BORCS7: variants seen among roughly 807,000 people sequenced by gnomAD.
BORCS7 encodes BLOC-1 related complex subunit 7.
Under a neutral mutation model 17.5 loss-of-function variants are expected in BORCS7, and 20 were observed. The observed-to-expected ratio is 1.14, with a 90% CI of 0.80 to 1.66. The LOEUF (loss-of-function observed/expected upper bound fraction) is 1.66. Ranked by LOEUF, BORCS7 falls within the 40% of genes most tolerant of loss-of-function variation. The pLI, the probability that BORCS7 is intolerant of heterozygous loss-of-function variation, is 0.00. For missense variants in BORCS7, 122 were observed against 129.7 expected, an observed-to-expected ratio of 0.94 and a Z score of 0.29; for synonymous variants, 57 against 49.8, an observed-to-expected ratio of 1.14 and a Z score of -0.61.
At chr10:102,854,508 C>T in intron 1 of BORCS7, 81 bp downstream of exon 1, 1 of 1,457,002 alleles carries the variant, frequency 6.9e-7, no homozygotes, top group Non-Finnish European at 9.2e-7. Flanking sequence ...GGTCGCGTTG[C>T]ATCTTGGGAA....
intron 3 of BORCS7, 66 bp downstream of exon 3, chr10:102,860,607 T>C: frequency 6.4e-7 from 1 of 1,556,220 alleles, no homozygotes; most frequent in Non-Finnish European, 8.9e-7. Flanking sequence ...TTTCATGGAC[T>C]TTGTGCTTCA....
intron 1 of BORCS7, among the ~76,000 whole-genome samples, chr10:102,858,176 A>ATAT (rs113426909): frequency 4.9e-5 from 6 of 121,782 alleles, no homozygotes; most frequent in South Asian, 5.2e-4. Flanking sequence ...AAAAAAAAAA[A>ATAT]ATATATATAT....
chr10:102,858,000 A>C (rs1455124123), intron 1 of BORCS7, among the ~76,000 whole-genome samples: 3 of 151,628 alleles, frequency 2.0e-5, no homozygotes, highest in Non-Finnish European at 4.4e-5. Flanking sequence ...CCATCTCTAC[A>C]AAAAAATACA....
intron 3 of BORCS7, 109 bp downstream of exon 3, chr10:102,860,650 AGGT>A (rs1844502547): frequency 8.3e-7 from 1 of 1,210,702 alleles, no homozygotes; most frequent in Non-Finnish European, 1.2e-6. Context: ...GTGGGAGTAA[AGGT>A]GGGGGTGGCC....
chr10:102,861,730 A>AAC (rs1564787326), intron 3 of BORCS7, among the ~76,000 whole-genome samples: 355 of 152,238 alleles, frequency 2.3e-3, no homozygotes, highest in African/African-American at 7.5e-3. Flanking sequence ...AAAAAAAACA[A>AAC]AAAAACAAAA....
intron 4 of BORCS7, 81 bp downstream of exon 4, chr10:102,862,261 T>C: frequency 1.5e-6 from 2 of 1,376,580 alleles, no homozygotes; most frequent in East Asian, 2.3e-5. Flanking sequence ...CCAGAATCAA[T>C]ACAAAACCCT....
chr10:102,854,434 T>C lies in BORCS7; in HGVS notation c.141+7T>C, dbSNP rs371914756. ...AGGCTCCCGGAGCTCCGAGGTGAGC[T>C]GGAAGTGGACTCTCCCGGCCTGATA... On this transcript the variant is annotated splice_region_variant and intron_variant, in intron 1 of 4. Coordinates refer to ENST00000339834, the MANE Select transcript of BORCS7 (RefSeq NM_001136200.2). The C allele has an allele frequency of 9.1e-6, 14 of 1,533,560 alleles. No homozygotes were observed. The African/African-American group carries it at 1.6e-4, about 18-fold the overall frequency. The allele number at this position is 1,533,560 out of a possible 1,614,324, so 95.0% of individuals were successfully genotyped here. A position where few individuals can be genotyped will look rare whatever the true frequency, so the allele number is the denominator to read the frequency against.
intron 1 of BORCS7, among the ~76,000 whole-genome samples, chr10:102,859,417 G>A (rs1844480557): frequency 6.6e-6 from 1 of 151,810 alleles, no homozygotes; most frequent in Non-Finnish European, 1.5e-5. Context: ...GGGATTACAG[G>A]TGTGAGCCAC....
chr10:102,855,283 T>C (rs1029902783), intron 1 of BORCS7, among the ~76,000 whole-genome samples: 3 of 151,322 alleles, frequency 2.0e-5, no homozygotes, highest in Non-Finnish European at 4.4e-5. Context: ...CTCAGCCTCC[T>C]GAGTAGCTGG....
At position 102,862,884 on chromosome 10, in the gene BORCS7, C is replaced by G; in HGVS notation, c.281C>G (p.Ser94Ter). The stretch of plus-strand genomic sequence containing the variant: ...ATTCTAATTCCTAGTGTTGAACAGT[C>G]ATCGGATCTACAGGACCAGTTGAAT... Reference protein sequence around the residue: ...QEAIQKNVEQSSDLQDQLNHL... With the variant: ...QEAIQKNVEQ The change falls in exon 5 of 5, where the codon TCA becomes TGA. Residue 94 changes from serine to a stop codon, truncating the protein, a stop_gained. Transcript: ENST00000339834. LOFTEE classifies it high-confidence loss of function. 3 of 1,608,654 alleles carry G rather than the reference C, an allele frequency of 1.9e-6. No individual in the cohort carries two copies. In the South Asian group the frequency reaches 3.3e-5, roughly 18 times the overall value.
rs1406021358 is a variant in BORCS7 at position 102,862,028 on chromosome 10, TTAGGA to T, written c.249-125_249-121del. The T allele has an allele frequency of 5.7e-5, 49 of 861,474 alleles. No homozygotes were observed. In the East Asian group the frequency reaches 1.2e-3, roughly 21 times the overall value. The allele number at this position is 861,474 out of a possible 1,614,324, so 53.4% of individuals were successfully genotyped here. ...GGAATCCCTGTTCAATAGCACAATCTTAGGATAGGATGGACAGAAATACAGGATGT... is the reference window on the plus strand; with the variant it reads ...GGAATCCCTGTTCAATAGCACAATCTTAGGATGGACAGAAATACAGGATGT... On this transcript the variant is annotated intron_variant, in intron 3 of 4. Transcript: ENST00000339834.
chr10:102,861,854 G>A (rs923069869), intron 3 of BORCS7, among the ~76,000 whole-genome samples: 3 of 152,140 alleles, frequency 2.0e-5, no homozygotes, highest in Admixed American at 6.5e-5. Context: ...TACATATTAG[G>A]TATTAGGTAT....
Position 102,862,195 on chromosome 10 carries a change from AG to A in BORCS7, c.269+17del. ...ATTCAGAAGAAGTAAGTAACCCCAA[AG>A]GTAGAGGAGTAGGGAACCAACTGAA... On this transcript the variant is annotated intron_variant, in intron 4 of 4. Transcript: ENST00000339834. 1 of 1,607,000 alleles carries A rather than the reference AG, an allele frequency of 6.2e-7. No individual in the cohort carries two copies. Among genetic ancestry groups the A allele is most frequent in the Non-Finnish European group, 8.5e-7 (1 of 1,173,574 alleles).
chr10:102,854,515 G>A, intron 1 of BORCS7, 88 bp downstream of exon 1: 1 of 1,440,016 alleles, frequency 6.9e-7, no homozygotes, highest in South Asian at 1.3e-5. Flanking sequence ...TTGCATCTTG[G>A]GAATTGTAGG....
At chr10:102,859,012 T>C (rs1844472181) in intron 1 of BORCS7, among the ~76,000 whole-genome samples, 2 of 152,118 alleles carry the variant, frequency 1.3e-5, no homozygotes, top group South Asian at 4.1e-4. Context: ...CTCTCAGTGC[T>C]AATGTGGTCA....
rs764630027 is a variant in BORCS7 at position 102,862,944 on chromosome 10, G to A, written c.*20G>A. 6.3e-7 allele frequency: 1 copy of A among 1,591,892 alleles called. No individual in the cohort carries two copies. Among genetic ancestry groups the A allele is most frequent in the East Asian group, 2.2e-5 (1 of 44,782 alleles). ...AAATAGAATGACATGTAAGAGTGCT[G>A]TAGGACTCCTTTGCCTAATGCTGAG... is the stretch of plus-strand genomic sequence containing the variant. On this transcript the variant is annotated 3_prime_UTR_variant, in exon 5 of 5. Coordinates refer to ENST00000339834, the MANE Select transcript of BORCS7 (RefSeq NM_001136200.2).
chr10:102,856,612 A>G, intron 1 of BORCS7, among the ~76,000 whole-genome samples: 1 of 152,248 alleles, frequency 6.6e-6, no homozygotes, highest in East Asian at 1.9e-4. Flanking sequence ...GAACAAGTTA[A>G]TGGTAAAAGC....
intron 3 of BORCS7, 63 bp downstream of exon 3, chr10:102,860,604 G>A: frequency 6.4e-7 from 1 of 1,561,816 alleles, no homozygotes; most frequent in Non-Finnish European, 8.8e-7. Context: ...TGCTTTCATG[G>A]ACTTTGTGCT....
chr10:102,862,210 G>A lies in BORCS7; in HGVS notation c.269+30G>A, dbSNP rs200985701. On this transcript the variant is annotated intron_variant, in intron 4 of 4. Coordinates refer to ENST00000339834, the MANE Select transcript of BORCS7 (RefSeq NM_001136200.2). ...GTAACCCCAAAGGTAGAGGAGTAGG[G>A]AACCAACTGAAGCAGGCTGGGGGGA... 1.0e-5 allele frequency: 16 copies of A among 1,596,250 alleles called. No homozygotes were observed. In the African/African-American group the frequency reaches 2.0e-4, roughly 20 times the overall value.
Sources: allele counts gnomAD v4.1 joint callset (sites outside exome capture counted in the v4.1 genomes callset), GRCh38; gene constraint gnomAD v4.1.1; transcripts MANE v1.5; gene names NCBI Gene and HGNC (gene_info 2026-07-23, HGNC 2026-07-21).